Variants in TSPAN18 observed in about 807,000 individuals in gnomAD.
TSPAN18 encodes tetraspanin-18.
A neutral mutation model predicts 27.3 loss-of-function variants in TSPAN18; 14 were observed. That is an observed-to-expected ratio of 0.51 (90% CI 0.34 to 0.80). TSPAN18 has a LOEUF of 0.80. TSPAN18 is among the 30% of genes least tolerant of loss of function. TSPAN18 has a pLI of 0.01. For missense variants in TSPAN18, 268 were observed against 323.9 expected (o/e 0.83, Z 1.32); for synonymous variants, 143 against 136.5 (o/e 1.05, Z -0.33).
intron 3 of TSPAN18, among the ~76,000 whole-genome samples, chr11:44,879,182 G>T (rs1858421115): frequency 6.6e-6 from 1 of 152,200 alleles, no homozygotes; most frequent in Non-Finnish European, 1.5e-5. Context: ...GCACGTTTCA[G>T]CAGAGTTTTA....
chr11:44,788,746 C>T (rs1856122635), intron 2 of TSPAN18, among the ~76,000 whole-genome samples: 1 of 152,182 alleles, frequency 6.6e-6, no homozygotes, highest in South Asian at 2.1e-4. Flanking sequence ...CGCACCCGGC[C>T]TGGAGGAGGG....
At chr11:44,889,187 C>T (rs1858761075) in intron 3 of TSPAN18, among the ~76,000 whole-genome samples, 2 of 152,254 alleles carry the variant, frequency 1.3e-5, no homozygotes, top group South Asian at 4.1e-4. Flanking sequence ...TGGCCTGTTT[C>T]TCCCACCCTT....
intron 3 of TSPAN18, among the ~76,000 whole-genome samples, chr11:44,880,787 T>C (rs1160241887): frequency 6.6e-6 from 1 of 152,248 alleles, no homozygotes; most frequent in Non-Finnish European, 1.5e-5. Context: ...CCTCCAGCCC[T>C]GACATTGTGT....
At chr11:44,742,049 C>A (rs1854949848) in intron 1 of TSPAN18, among the ~76,000 whole-genome samples, 2 of 146,252 alleles carry the variant, frequency 1.4e-5, no homozygotes, top group African/African-American at 5.0e-5. Context: ...ATTTTTATCT[C>A]CATTTTACAG....
intron 1 of TSPAN18, among the ~76,000 whole-genome samples, chr11:44,756,490 C>T (rs542959219): frequency 2.6e-5 from 4 of 152,006 alleles, no homozygotes; most frequent in Non-Finnish European, 4.4e-5. Flanking sequence ...GTTGTGCAAC[C>T]GTCCATGCCA....
chr11:44,919,700 C>A, intron 7 of TSPAN18, 117 bp from the exon 8 acceptor site: 1 of 1,034,876 alleles, frequency 9.7e-7, no homozygotes, highest in Non-Finnish European at 1.5e-6. Context: ...ACAGGTGGAG[C>A]CCGCCCACAC....
rs572095254 is a variant in TSPAN18 at position 44,744,631 on chromosome 11, G to A, written c.-240+17344G>A. 5.5e-4 allele frequency among the ~76,000 whole-genome samples: 84 copies of A among 152,312 alleles called. 2 individuals carry two copies. The highest frequency in any genetic ancestry group is 2.0e-3 in the African/African-American group (82 of 41,560). ...AAACCTAATGCACAAACAGAAACAA[G>A]CCAGGGTTGGGATAAATTATCTTCA... On this transcript the variant is annotated intron_variant, in intron 1 of 9. Coordinates refer to ENST00000520358, the MANE Select transcript of TSPAN18 (RefSeq NM_130783.5).
At chr11:44,741,443 A>ATGTGTG (rs1173836174) in intron 1 of TSPAN18, among the ~76,000 whole-genome samples, 4 of 123,212 alleles carry the variant, frequency 3.2e-5, no homozygotes, top group African/African-American at 1.3e-4. Flanking sequence ...TGTCTCAGAC[A>ATGTGTG]TGTATGTGTG....
intron 5 of TSPAN18, among the ~76,000 whole-genome samples, chr11:44,916,392 T>C (rs1552299): frequency 0.56 from 84,924 of 151,984 alleles, 24,183 homozygotes; most frequent in East Asian, 0.79. Flanking sequence ...AGAGCATCTG[T>C]GAGGAGGCCA....
intron 2 of TSPAN18, among the ~76,000 whole-genome samples, chr11:44,786,583 G>A (rs1856062556): frequency 6.7e-6 from 1 of 149,196 alleles, no homozygotes. Context: ...CTAGGGTGAT[G>A]TGGTCACTTC....
chr11:44,801,615 T>G (rs1249831726), intron 2 of TSPAN18, among the ~76,000 whole-genome samples: 1 of 152,198 alleles, frequency 6.6e-6, no homozygotes, highest in East Asian at 1.9e-4. Context: ...GGGTGGTGGT[T>G]AAGAGCTCCA....
At chr11:44,916,478 A>G (rs1859914210) in intron 5 of TSPAN18, among the ~76,000 whole-genome samples, 1 of 152,168 alleles carries the variant, frequency 6.6e-6, no homozygotes, top group South Asian at 2.1e-4. Context: ...CCTTCTGCAC[A>G]TGAGAGCCCA....
intron 2 of TSPAN18, among the ~76,000 whole-genome samples, chr11:44,851,441 A>G (rs1044036925): frequency 3.9e-5 from 6 of 152,152 alleles, no homozygotes; most frequent in East Asian, 1.9e-4. Context: ...AAATAGATCA[A>G]TGCTCCCTGG....
intron 3 of TSPAN18, among the ~76,000 whole-genome samples, chr11:44,877,273 T>C (rs1250598813): frequency 6.6e-6 from 1 of 152,248 alleles, no homozygotes; most frequent in East Asian, 1.9e-4. Context: ...ACTGTGATCT[T>C]GCCAGTTCTC....
At chr11:44,907,852 C>T (rs1014142563) in intron 4 of TSPAN18, among the ~76,000 whole-genome samples, 1 of 151,798 alleles carries the variant, frequency 6.6e-6, no homozygotes, top group East Asian at 1.9e-4. Context: ...GTCAGGAGTT[C>T]GAGACCAACC....
chr11:44,778,660 A>G (rs1006900984), intron 2 of TSPAN18, among the ~76,000 whole-genome samples: 3 of 152,138 alleles, frequency 2.0e-5, no homozygotes, highest in Non-Finnish European at 4.4e-5. Context: ...GCATTTGTTA[A>G]TACCCGCATT....
At chr11:44,896,248 A>G (rs932317732) in intron 3 of TSPAN18, among the ~76,000 whole-genome samples, 4 of 152,198 alleles carry the variant, frequency 2.6e-5, no homozygotes, top group African/African-American at 7.2e-5. Context: ...GTGATCACAC[A>G]GGAAGAGAAA....
At chr11:44,887,839 C>A (rs1032474658) in intron 3 of TSPAN18, among the ~76,000 whole-genome samples, 1 of 152,182 alleles carries the variant, frequency 6.6e-6, no homozygotes, top group African/African-American at 2.4e-5. Flanking sequence ...CAGAACTGTG[C>A]CCTTTCCCTC....
rs1856189081 is a variant in TSPAN18 at position 44,790,532 on chromosome 11, ATG to A, written c.-153+26027_-153+26028del. Among the ~76,000 whole-genome samples, 3 of 101,594 alleles carry A rather than the reference ATG, an allele frequency of 3.0e-5. No homozygotes were observed. The South Asian group carries it at 1.0e-3, about 35-fold the overall frequency. 66.6% of individuals were successfully genotyped at this position (101,594 alleles called of 152,430 possible). ...GTGTGCATGTGTTTTTGGTGTGTGCATGTGTGTGCATGTTTGTGTGTGCATGT... is the reference window on the plus strand; with the variant it reads ...GTGTGCATGTGTTTTTGGTGTGTGCATGTGTGCATGTTTGTGTGTGCATGT... On this transcript the variant is annotated intron_variant, in intron 2 of 9. Transcript: ENST00000520358.
Sources: allele counts gnomAD v4.1 joint callset (sites outside exome capture counted in the v4.1 genomes callset), GRCh38; gene constraint gnomAD v4.1.1; transcripts MANE v1.5; gene names NCBI Gene and HGNC (gene_info 2026-07-23, HGNC 2026-07-21).